Variants in KIF18B observed in about 807,000 individuals in gnomAD.
KIF18B encodes kinesin family member 18B.
Under a neutral mutation model 80.9 loss-of-function variants are expected in KIF18B, and 49 were observed. That is an observed-to-expected ratio of 0.61 (90% CI 0.48 to 0.77). The LOEUF is 0.77. Among genes scored for constraint, KIF18B ranks in the 30% least tolerant of loss-of-function variants. The pLI is 0.00. For synonymous variants in KIF18B, 439 were observed against 463.9 expected, an observed-to-expected ratio of 0.95 and a Z score of 0.69; for missense variants, 994 against 1,127.7, an observed-to-expected ratio of 0.88 and a Z score of 1.70.
At position 44,925,966 on chromosome 17, in the gene KIF18B, C is replaced by T. The variant is rs1468814790; in HGVS notation, c.*114G>A. On this transcript the variant is annotated 3_prime_UTR_variant, in exon 16 of 16. Transcript: ENST00000593135. ...AAAGGTGTGTTGGCACTAATTGCTC[C>T]CAGGTAAGGAAGGCAGGTCCAGCTC... is the stretch of plus-strand genomic sequence containing the variant. 3 of 1,075,084 alleles carry T rather than the reference C, an allele frequency of 2.8e-6. No individual in the cohort carries two copies. The highest frequency in any genetic ancestry group is 4.2e-6 in the Non-Finnish European group (3 of 713,612). The allele number at this position is 1,075,084 out of a possible 1,614,324, so 66.6% of individuals were successfully genotyped here. A position where few individuals can be genotyped will look rare whatever the true frequency, so the allele number is the denominator to read the frequency against.
Position 44,936,191 on chromosome 17 carries a change from G to A in KIF18B, c.154C>T (p.Leu52=), listed in dbSNP as rs866734209. 1.1e-5 allele frequency: 18 copies of A among 1,612,632 alleles called. No homozygotes were observed. In the African/African-American group the frequency reaches 1.3e-4, roughly 12 times the overall value. ...CCATCATGGGTGCCACCCCATTTCAGGCCAGGGAACCCTCCATCGGGCTCC... is the reference window on the plus strand; with the variant it reads ...CCATCATGGGTGCCACCCCATTTCAAGCCAGGGAACCCTCCATCGGGCTCC... ...PEEPDGGFPG[L]KWGGTHDGPK... The change falls in exon 2 of 16, where the codon CTG becomes TTG. Residue 52 remains leucine, a synonymous_variant. Transcript: ENST00000593135.
In KIF18B at chr17:44,928,009, G is replaced by A. The variant is rs375683493; in HGVS notation, c.2276+17C>T. 5.3e-6 allele frequency: 8 copies of A among 1,510,530 alleles called. No individual in the cohort carries two copies. The South Asian group carries it at 5.4e-5, about 10-fold the overall frequency. The allele number at this position is 1,510,530 out of a possible 1,614,324, so 93.6% of individuals were successfully genotyped here. A position where few individuals can be genotyped will look rare whatever the true frequency, so the allele number is the denominator to read the frequency against. On this transcript the variant is annotated intron_variant, in intron 13 of 15. Coordinates refer to ENST00000593135, the MANE Select transcript of KIF18B (RefSeq NM_001265577.2). ...TGACCACTGACAGGAGGGGTGGAGC[G>A]AGACTGGGAGACCCACCTGGGGATG...
chr17:44,945,686 C>T (rs2052497936), intron 1 of KIF18B, among the ~76,000 whole-genome samples: 1 of 151,916 alleles, frequency 6.6e-6, no homozygotes, highest in Non-Finnish European at 1.5e-5. Flanking sequence ...GGGTGGATCA[C>T]CTGACGTCAG....
chr17:44,941,128 A>G (rs1164741805), intron 1 of KIF18B, among the ~76,000 whole-genome samples: 1 of 152,158 alleles, frequency 6.6e-6, no homozygotes, highest in Non-Finnish European at 1.5e-5. Context: ...CAAGGTCTCA[A>G]TGCTAGTGAG....
intron 1 of KIF18B, among the ~76,000 whole-genome samples, chr17:44,943,384 G>A (rs1004738260): frequency 2.0e-5 from 3 of 152,180 alleles, no homozygotes; most frequent in African/African-American, 7.2e-5. Context: ...ACAGGTGTGA[G>A]CCACCGCGCC....
chr17:44,932,110 G>A lies in KIF18B; in HGVS notation c.1335C>T (p.Asn445=), dbSNP rs369406463. The change falls in exon 10 of 16, where the codon AAC becomes AAT. Residue 445 remains asparagine, a synonymous_variant. Coordinates refer to ENST00000593135, the MANE Select transcript of KIF18B (RefSeq NM_001265577.2). ...CTGGGGACTGCTCCTGGTCTGAAGA[G>A]TTCCCTTCCATGGCCCTCTCCACCT... The part of the protein sequence containing the change: ...EAQVERAMEG[N]SSDQEQSPED... 6.8e-6 allele frequency: 11 copies of A among 1,613,910 alleles called. No individual in the cohort carries two copies. Among genetic ancestry groups the A allele is most frequent in the Non-Finnish European group, 8.5e-6 (10 of 1,179,850 alleles).
In KIF18B at chr17:44,933,878, G is replaced by A. The variant is rs7212761; in HGVS notation, c.1062+45C>T. On this transcript the variant is annotated intron_variant, in intron 7 of 15. Transcript: ENST00000593135. ...TGGGTCCCACCCTTTCCTGCTCCCC[G>A]GCTGGAGCTGCCCCACGCCCAAGCC... The A allele has an allele frequency of 2.9e-3, 4,464 of 1,515,318 alleles. 74 individuals are homozygous for A. The African/African-American group carries it at 0.046, about 15-fold the overall frequency. The allele number at this position is 1,515,318 out of a possible 1,614,324, so 93.9% of individuals were successfully genotyped here.
rs931029698 is a variant in KIF18B at position 44,931,745 on chromosome 17, A to G, written c.1390-16T>C. ...GGGTTGGAACCTAAAGAGGAAGGAA[A>G]AGGCACAGGTAGAGGGGCCAGGATG... On this transcript the variant is annotated splice_polypyrimidine_tract_variant and intron_variant, in intron 10 of 15. Transcript: ENST00000593135. 9.3e-6 allele frequency: 15 copies of G among 1,613,524 alleles called. No individual in the cohort carries two copies. Among genetic ancestry groups the G allele is most frequent in the African/African-American group, 1.3e-5 (1 of 74,892 alleles).
At chr17:44,933,536 A>G (rs2052205347) in intron 7 of KIF18B, among the ~76,000 whole-genome samples, 1 of 150,466 alleles carries the variant, frequency 6.6e-6, no homozygotes, top group Non-Finnish European at 1.5e-5. Flanking sequence ...TCTGTCGCCC[A>G]GGCTGGAGTG....
At chr17:44,933,829 G>T in intron 7 of KIF18B, 94 bp downstream of exon 7, 1 of 1,214,352 alleles carries the variant, frequency 8.2e-7, no homozygotes, top group Non-Finnish European at 1.1e-6. Flanking sequence ...GGGACACTTG[G>T]CCCAGGGATC....
At chr17:44,930,814 C>T (rs1036890906) in intron 11 of KIF18B, among the ~76,000 whole-genome samples, 1 of 152,130 alleles carries the variant, frequency 6.6e-6, no homozygotes, top group Non-Finnish European at 1.5e-5. Flanking sequence ...CGCACCAGAG[C>T]ATCCTTGCCT....
chr17:44,926,500 C>A lies in KIF18B; in HGVS notation c.2367-1G>T. 6.3e-7 allele frequency: 1 copy of A among 1,582,294 alleles called. No homozygotes were observed. The highest frequency in any genetic ancestry group is 1.9e-5 in the Admixed American group (1 of 52,862). ...GCTGCGGCCATGGGAGACTGAGGAACTGAGGGAGGAAAGGAGGGAAGGTGG... is the reference window on the plus strand; with the variant it reads ...GCTGCGGCCATGGGAGACTGAGGAAATGAGGGAGGAAAGGAGGGAAGGTGG... On this transcript the variant is annotated splice_acceptor_variant, in intron 14 of 15. Transcript: ENST00000593135. LOFTEE classifies it high-confidence loss of function.
At chr17:44,936,580 CTCTCTCTCTCTCTCTCTCTATATATA>C (rs2052301314) in intron 1 of KIF18B, among the ~76,000 whole-genome samples, 1 of 56,216 alleles carries the variant, frequency 1.8e-5, no homozygotes, top group Admixed American at 2.0e-4. Flanking sequence ...CTCTCTCTCT[CTCTCTCTCTCTCTCTCTCTATATATA>C]TATATATATA....
intron 15 of KIF18B, 43 bp downstream of exon 15, chr17:44,926,371 G>C: frequency 6.4e-7 from 1 of 1,554,632 alleles, no homozygotes; most frequent in Non-Finnish European, 8.7e-7. Context: ...TGTCTTCATC[G>C]GCCTCCATGG....
In KIF18B at chr17:44,928,451, TG is replaced by T. The variant is rs1438433919; in HGVS notation, c.1850del (p.Pro617GlnfsTer42). 1.3e-6 allele frequency: 2 copies of T among 1,536,564 alleles called. No homozygotes were observed. Among genetic ancestry groups the T allele is most frequent in the Non-Finnish European group, 1.7e-6 (2 of 1,146,394 alleles). On this transcript the variant is annotated frameshift_variant, in exon 13 of 16. Transcript: ENST00000593135. LOFTEE classifies it high-confidence loss of function. ...LGIPPGPNCTPAQGSRWPMEK... is the reference protein window; with the variant it reads ...LGIPPGPNCTXAQGSRWPMEK... ...CCATGGGCCATCGGGACCCCTGGGC[TG>T]GGGTGCAGTTGGGTCCAGGCGGGAT... is the stretch of plus-strand genomic sequence containing the variant.
chr17:44,942,493 G>A (rs969506138), intron 1 of KIF18B, among the ~76,000 whole-genome samples: 8 of 152,196 alleles, frequency 5.3e-5, no homozygotes, highest in African/African-American at 1.9e-4. Flanking sequence ...GCTGAGGAAC[G>A]TAGTAGGGGT....
intron 1 of KIF18B, among the ~76,000 whole-genome samples, chr17:44,938,967 C>G (rs2052362512): frequency 6.6e-6 from 1 of 151,644 alleles, no homozygotes; most frequent in East Asian, 1.9e-4. Flanking sequence ...TGGCTTGAAC[C>G]TGGGAGGTAG....
In KIF18B at chr17:44,938,408, C is replaced by T. The variant is rs181228656; in HGVS notation, c.-14-2050G>A. On this transcript the variant is annotated intron_variant, in intron 1 of 15. Coordinates refer to ENST00000593135, the MANE Select transcript of KIF18B (RefSeq NM_001265577.2). ...CCTGATATCAAACCAACCATGCATT[C>T]CTGGAAAAAATTCTACCCTGGCCAT... Among the ~76,000 whole-genome samples, 318 of 152,240 alleles carry T rather than the reference C, an allele frequency of 2.1e-3. 2 individuals carry two copies. The highest frequency in any genetic ancestry group is 8.0e-3 in the Admixed American group (122 of 15,284).
Position 44,932,690 on chromosome 17 carries a change from C to A in KIF18B, c.1221G>T (p.Ser407=), listed in dbSNP as rs750777590. 6.2e-7 allele frequency: 1 copy of A among 1,611,344 alleles called. No homozygotes were observed. Among genetic ancestry groups the A allele is most frequent in the African/African-American group, 1.3e-5 (1 of 74,826 alleles). The stretch of plus-strand genomic sequence containing the variant: ...GAACTCACTGTTCTGGTGGTGGTCC[C>A]GACTTGGGAGATCCTGGGAGGTCCT... ...PPQDLPGSPK[S]GPPPEHQPCT... Residue 407 remains serine (S), a synonymous_variant, in exon 9 of 16, where the codon TCG becomes TCT. Coordinates refer to ENST00000593135, the MANE Select transcript of KIF18B (RefSeq NM_001265577.2).
Sources: allele counts gnomAD v4.1 joint callset (sites outside exome capture counted in the v4.1 genomes callset), GRCh38; gene constraint gnomAD v4.1.1; transcripts MANE v1.5; gene names NCBI Gene and HGNC (gene_info 2026-07-23, HGNC 2026-07-21).